NRG3: variants seen among roughly 807,000 people sequenced by gnomAD.
The protein encoded by NRG3 is pro-neuregulin-3, membrane-bound isoform.
A neutral mutation model predicts 66.9 loss-of-function variants in NRG3; 31 were observed. That is an observed-to-expected ratio of 0.46 (90% confidence interval 0.35 to 0.63). NRG3 has a LOEUF of 0.63. Ranked by LOEUF, NRG3 falls within the 20% of genes least tolerant of loss-of-function variation. NRG3 has a pLI of 0.00. For synonymous variants in NRG3, 393 were observed against 359.4 expected (o/e 1.09, Z -1.06); for missense variants, 910 against 878.9 (o/e 1.04, Z -0.45).
intron 4 of NRG3, among the ~76,000 whole-genome samples, chr10:82,915,576 A>C (rs2132011651): frequency 6.6e-6 from 1 of 152,188 alleles, no homozygotes; most frequent in South Asian, 2.1e-4. Context: ...ATATTGTGTA[A>C]TTTTTCTATT....
intron 3 of NRG3, among the ~76,000 whole-genome samples, chr10:82,774,893 G>T: frequency 7.6e-6 from 1 of 132,278 alleles, no homozygotes; most frequent in African/African-American, 3.0e-5. Flanking sequence ...CATGATCTCA[G>T]CTCACTGCAA....
chr10:82,741,550 C>T (rs2058424145), intron 3 of NRG3, among the ~76,000 whole-genome samples: 1 of 152,128 alleles, frequency 6.6e-6, no homozygotes, highest in Admixed American at 6.5e-5. Flanking sequence ...GATACATGTG[C>T]CAGGCACTGT....
chr10:82,895,765 A>G (rs1843608163), intron 4 of NRG3, among the ~76,000 whole-genome samples: 1 of 152,176 alleles, frequency 6.6e-6, no homozygotes, highest in Admixed American at 6.5e-5. Flanking sequence ...TGCTGGGATT[A>G]CAGACGTGAG....
At chr10:82,956,599 A>G (rs1592085722) in intron 5 of NRG3, among the ~76,000 whole-genome samples, 1 of 151,986 alleles carries the variant, frequency 6.6e-6, no homozygotes. Context: ...AAATTCCCTT[A>G]TAAGTTTATA....
chr10:82,868,104 C>T (rs1484814775), intron 4 of NRG3, among the ~76,000 whole-genome samples: 1 of 152,102 alleles, frequency 6.6e-6, no homozygotes, highest in African/African-American at 2.4e-5. Flanking sequence ...CCCAGTGTAG[C>T]CATGGCTGTA....
intron 4 of NRG3, among the ~76,000 whole-genome samples, chr10:82,867,853 AGG>A (rs78686136): frequency 0.18 from 27,102 of 152,010 alleles, 2,469 homozygotes; most frequent in Middle Eastern, 0.27. Context: ...ATTGTTGAGA[AGG>A]GCACACAATT....
At chr10:82,601,864 T>TTATATATATATAACTATATATACAAATA (rs1565115565) in intron 2 of NRG3, among the ~76,000 whole-genome samples, 1 of 146,284 alleles carries the variant, frequency 6.8e-6, no homozygotes, top group African/African-American at 2.5e-5. Context: ...AAAAAATTAT[T>TTATATATATATAACTATATATACAAATA]TATATATATA....
At chr10:81,951,868 A>C (rs1849387524) in intron 1 of NRG3, among the ~76,000 whole-genome samples, 1 of 152,230 alleles carries the variant, frequency 6.6e-6, no homozygotes, top group Admixed American at 6.5e-5. Context: ...ACTTGGAACC[A>C]ACCCAAATGT....
intron 1 of NRG3, among the ~76,000 whole-genome samples, chr10:82,275,289 C>T (rs2078788897): frequency 6.6e-6 from 1 of 151,848 alleles, no homozygotes; most frequent in Non-Finnish European, 1.5e-5. Flanking sequence ...TCCTGAGTTG[C>T]CAAGAGCATA....
intron 2 of NRG3, among the ~76,000 whole-genome samples, chr10:82,495,654 A>G (rs1431607658): frequency 6.6e-6 from 1 of 152,150 alleles, no homozygotes; most frequent in African/African-American, 2.4e-5. Context: ...TTACAAAATT[A>G]CAAATCTTTA....
intron 2 of NRG3, among the ~76,000 whole-genome samples, chr10:82,410,175 A>G (rs1056504704): frequency 1.3e-5 from 2 of 152,048 alleles, no homozygotes; most frequent in South Asian, 2.1e-4. Flanking sequence ...ACTGCTACAG[A>G]TTTCTTAATG....
At chr10:82,814,389 A>G (rs78824828) in intron 3 of NRG3, among the ~76,000 whole-genome samples, 2,252 of 152,334 alleles carry the variant, frequency 0.015, 15 homozygotes, top group Non-Finnish European at 0.025. Flanking sequence ...AATTTTATAA[A>G]TAATATTAAT....
intron 1 of NRG3, among the ~76,000 whole-genome samples, chr10:81,876,768 G>A (rs1373351997): frequency 6.6e-6 from 1 of 152,122 alleles, no homozygotes; most frequent in Non-Finnish European, 1.5e-5. Flanking sequence ...CTTGGGGAAA[G>A]GAGGCGATCC....
At chr10:82,971,033 A>G (rs908950952) in intron 6 of NRG3, among the ~76,000 whole-genome samples, 2 of 152,148 alleles carry the variant, frequency 1.3e-5, no homozygotes, top group Admixed American at 1.3e-4. Context: ...TCATGGCGGA[A>G]GGGAAAGGGG....
chr10:82,433,064 ATTTACAT>A lies in NRG3; in HGVS notation c.953+74199_953+74205del, dbSNP rs1305856545. 6.3e-4 allele frequency among the ~76,000 whole-genome samples: 96 copies of A among 152,254 alleles called. 1 individual carries two copies. The highest frequency in any genetic ancestry group is 1.9e-4 in the Non-Finnish European group (13 of 68,020). ...ACTGTATTCCACGATGGTTGAAATA[ATTTACAT>A]TTCCACAAACAGTGTAAAAGCGTTC... On this transcript the variant is annotated intron_variant, in intron 2 of 8. Transcript: ENST00000372141.
intron 1 of NRG3, among the ~76,000 whole-genome samples, chr10:81,979,136 C>T (rs1275200931): frequency 2.0e-5 from 3 of 147,934 alleles, no homozygotes; most frequent in African/African-American, 7.6e-5. Context: ...TTGCAGTGAG[C>T]CGGGATTGTG....
intron 3 of NRG3, among the ~76,000 whole-genome samples, chr10:82,845,280 A>G (rs749938982): frequency 6.6e-6 from 1 of 152,260 alleles, no homozygotes; most frequent in Non-Finnish European, 1.5e-5. Flanking sequence ...CACATTAACT[A>G]TCTTTTTTCC....
intron 1 of NRG3, among the ~76,000 whole-genome samples, chr10:81,937,155 G>A (rs1014519152): frequency 1.3e-5 from 2 of 152,066 alleles, no homozygotes; most frequent in African/African-American, 4.8e-5. Flanking sequence ...CATAGAAAAC[G>A]TGTTCTTTAA....
chr10:82,842,103 T>A (rs1374653548), intron 3 of NRG3, among the ~76,000 whole-genome samples: 2 of 151,998 alleles, frequency 1.3e-5, no homozygotes, highest in Non-Finnish European at 2.9e-5. Context: ...ATACAAAAAT[T>A]TTCCAGGCGT....
Sources: allele counts gnomAD v4.1 joint callset (sites outside exome capture counted in the v4.1 genomes callset), GRCh38; gene constraint gnomAD v4.1.1; transcripts MANE v1.5; gene names NCBI Gene and HGNC (gene_info 2026-07-23, HGNC 2026-07-21).